SNX31: variants seen among roughly 807,000 people sequenced by gnomAD.
The protein encoded by SNX31 is sorting nexin 31.
SNX31 carries 58 observed loss-of-function variants against 65.4 expected under a neutral mutation model. That is an observed-to-expected ratio of 0.89 (90% CI 0.72 to 1.10). The LOEUF (loss-of-function observed/expected upper bound fraction) is 1.10, where lower values mean the gene tolerates loss of function less well. Among genes scored for constraint, SNX31 ranks in the 50% least tolerant of loss-of-function variants. The probability of loss-of-function intolerance (pLI) is 0.00; values close to 1 mark genes in which losing one functional copy is unlikely to be tolerated. For synonymous variants in SNX31, 181 were observed against 190.1 expected (o/e 0.95, Z 0.39); for missense variants, 523 against 529.7 (o/e 0.99, Z 0.12).
intron 8 of SNX31, among the ~76,000 whole-genome samples, chr8:100,608,146 T>C (rs2469666): frequency 0.32 from 48,992 of 152,128 alleles, 8,514 homozygotes; most frequent in East Asian, 0.52. Context: ...ACTTTTTACA[T>C]TTTATTGTTA....
At chr8:100,663,127 G>A (rs2131319346) in intron 1 of SNX31, 1 of 152,340 alleles carries the variant, frequency 6.6e-6, no homozygotes, top group South Asian at 2.1e-4. Context: ...AAAGGAGCGG[G>A]GGTTGGAAAC....
intron 13 of SNX31, among the ~76,000 whole-genome samples, chr8:100,574,688 A>G (rs1812897196): frequency 6.6e-6 from 1 of 151,272 alleles, no homozygotes; most frequent in African/African-American, 2.4e-5. Context: ...TAATCCCAGC[A>G]CGTTGGGAGG....
At chr8:100,643,261 C>T (rs900147827) in intron 2 of SNX31, among the ~76,000 whole-genome samples, 20 of 152,168 alleles carry the variant, frequency 1.3e-4, no homozygotes, top group Admixed American at 9.2e-4. Flanking sequence ...ACTACCCCTT[C>T]GTACAGCTCT....
intron 3 of SNX31, among the ~76,000 whole-genome samples, chr8:100,631,108 T>C (rs1330311705): frequency 2.0e-5 from 3 of 152,008 alleles, no homozygotes; most frequent in Non-Finnish European, 4.4e-5. Flanking sequence ...CTTTGAATGA[T>C]AGGAGTTCTC....
intron 4 of SNX31, among the ~76,000 whole-genome samples, chr8:100,620,513 C>A (rs1817606385): frequency 6.6e-6 from 1 of 152,084 alleles, no homozygotes; most frequent in Admixed American, 6.5e-5. Context: ...AATCTAAGTT[C>A]TTTAGAAGAG....
intron 3 of SNX31, among the ~76,000 whole-genome samples, chr8:100,632,084 G>A (rs1486087890): frequency 6.6e-6 from 1 of 152,202 alleles, no homozygotes; most frequent in Non-Finnish European, 1.5e-5. Flanking sequence ...AGCTGGTGAG[G>A]AGCTAAAGTG....
chr8:100,575,609 T>G lies in SNX31; in HGVS notation c.1227+1410A>C, dbSNP rs546530236. 6.6e-6 allele frequency among the ~76,000 whole-genome samples: 1 copy of G among 152,300 alleles called. No individual in the cohort carries two copies. The highest frequency in any genetic ancestry group is 2.4e-5 in the African/African-American group (1 of 41,560). ...TTGAACATGCATCAGATTTGTCTGG[T>G]GGGCGTGTTAAAGAGATTGCTGCGG... On this transcript the variant is annotated intron_variant, in intron 13 of 13. Transcript: ENST00000311812. This position sits in a 1 kb window ranked among gnomAD's most constrained non-coding sequence, Gnocchi z 5.1.
rs1308069634 is a variant in SNX31 at position 100,610,355 on chromosome 8, A to G, written c.611+1645T>C. Among the ~76,000 whole-genome samples, 1 of 60,350 alleles carries G rather than the reference A, an allele frequency of 1.7e-5. No homozygotes were observed. The highest frequency in any genetic ancestry group is 3.1e-5 in the Non-Finnish European group (1 of 31,910). The allele number at this position is 60,350 out of a possible 152,430, so 39.6% of individuals were successfully genotyped here. A position where few individuals can be genotyped will look rare whatever the true frequency, so the allele number is the denominator to read the frequency against. The stretch of plus-strand genomic sequence containing the variant: ...CACATGAGTGAAAATCTAAGCCCCA[A>G]AGATTTTTTTTTTTTTTTTGCTTCC... On this transcript the variant is annotated intron_variant, in intron 7 of 13. Transcript: ENST00000311812. This position sits in a 1 kb window ranked among gnomAD's most constrained non-coding sequence, Gnocchi z 4.0.
chr8:100,630,334 G>T lies in SNX31; in HGVS notation c.314C>A (p.Ala105Glu), dbSNP rs201994033. 2 of 1,613,262 alleles carry T rather than the reference G, an allele frequency of 1.2e-6. No homozygotes were observed. Among genetic ancestry groups the T allele is most frequent in the Non-Finnish European group, 1.7e-6 (2 of 1,179,726 alleles). Residue 105 changes from alanine (A) to glutamate (E), a missense_variant, in exon 4 of 14, where the codon GCG becomes GAG. By Grantham distance (107) the Ala-to-Glu change is moderately radical. Coordinates refer to ENST00000311812, the MANE Select transcript of SNX31 (RefSeq NM_152628.4). The surrounding 1 kb of genome is among the most constrained non-coding windows in gnomAD (Gnocchi z 5.3). ...SDVFVEFLKL[A>E]QLNTFDIATK... ...AAAGAAGAGCAAGCTTACCAGCTGC[G>T]CCAGTTTTAAAAACTCAACGAAGAC...
At chr8:100,606,834 G>A (rs1816210190) in intron 8 of SNX31, among the ~76,000 whole-genome samples, 1 of 152,206 alleles carries the variant, frequency 6.6e-6, no homozygotes, top group African/African-American at 2.4e-5. Flanking sequence ...CTGAAAGTGT[G>A]GATGGTACCA....
intron 2 of SNX31, among the ~76,000 whole-genome samples, chr8:100,637,904 C>T (rs1818890063): frequency 1.3e-5 from 2 of 152,190 alleles, no homozygotes; most frequent in Admixed American, 1.3e-4. Flanking sequence ...CCATGTTGGC[C>T]AGGCTGGTCT....
At position 100,635,029 on chromosome 8, in the gene SNX31, T is replaced by C. The variant is rs148704995; in HGVS notation, c.256+868A>G. On this transcript the variant is annotated intron_variant, in intron 3 of 13. Coordinates refer to ENST00000311812, the MANE Select transcript of SNX31 (RefSeq NM_152628.4). Reference sequence around the variant, plus strand: ...ATAGTTAGCCACGATTGTGCCACTGTACTCCAGCCTCGTCAACAGGGAAAG... The same window carrying C: ...ATAGTTAGCCACGATTGTGCCACTGCACTCCAGCCTCGTCAACAGGGAAAG... Among the ~76,000 whole-genome samples, 414 of 152,212 alleles carry C rather than the reference T, an allele frequency of 2.7e-3. 5 individuals carry two copies. The highest frequency in any genetic ancestry group is 0.023 in the Admixed American group (344 of 15,288).
rs149179979 is a variant in SNX31, at chr8:100,613,042, T to G, written c.476A>C (p.Tyr159Ser). The change falls in exon 6 of 14, where the codon TAC becomes TCC. Residue 159 changes from tyrosine (Y) to serine (S), a missense_variant. Coordinates refer to ENST00000311812, the MANE Select transcript of SNX31 (RefSeq NM_152628.4). The surrounding 1 kb of genome is among the most constrained non-coding windows in gnomAD (Gnocchi z 5.2). ...AAACCGAATGAGAAAGAGGCCGAAG[T>G]AGCCCAAGAGCTCTCGACACAGTCC... Reference protein sequence around the residue: ...KIGLCRELLGYFGLFLIRFGK... With the variant: ...KIGLCRELLGSFGLFLIRFGK... 25 of 1,613,956 alleles carry G rather than the reference T, an allele frequency of 1.5e-5. No individual in the cohort carries two copies. Among genetic ancestry groups the G allele is most frequent in the Non-Finnish European group, 1.9e-5 (23 of 1,180,024 alleles).
At chr8:100,633,061 G>A (rs1233125784) in intron 3 of SNX31, among the ~76,000 whole-genome samples, 1 of 151,926 alleles carries the variant, frequency 6.6e-6, no homozygotes, top group African/African-American at 2.4e-5. Flanking sequence ...AGTAGGTGCA[G>A]GCACGTGCCA....
chr8:100,619,137 T>C (rs1290809210), intron 4 of SNX31: 1 of 152,148 alleles, frequency 6.6e-6, no homozygotes, highest in Non-Finnish European at 1.5e-5. Flanking sequence ...CTCATCAGCA[T>C]AAACTCAGGC....
rs1311598799 is a variant in SNX31, at chr8:100,576,604, T to A, written c.1227+415A>T. Among the ~76,000 whole-genome samples, 2 of 152,214 alleles carry A rather than the reference T, an allele frequency of 1.3e-5. No homozygotes were observed. Among genetic ancestry groups the A allele is most frequent in the African/African-American group, 2.4e-5 (1 of 41,444 alleles). On this transcript the variant is annotated intron_variant, in intron 13 of 13. Coordinates refer to ENST00000311812, the MANE Select transcript of SNX31 (RefSeq NM_152628.4). The surrounding 1 kb of genome is among the most constrained non-coding windows in gnomAD (Gnocchi z 4.8). ...CATTGATTGTGATTTTTTCTATTATTATCTGCACAGCAGATCTAAATGCTC... is the reference window on the plus strand; with the variant it reads ...CATTGATTGTGATTTTTTCTATTATAATCTGCACAGCAGATCTAAATGCTC...
Position 100,614,796 on chromosome 8 carries a change from T to C in SNX31, c.433-1711A>G, listed in dbSNP as rs1817028503. Among the ~76,000 whole-genome samples, 1 of 152,154 alleles carries C rather than the reference T, an allele frequency of 6.6e-6. No individual in the cohort carries two copies. Among genetic ancestry groups the C allele is most frequent in the Admixed American group, 6.5e-5 (1 of 15,276 alleles). ...TCAGGAGCTGAGGAAGGAGAATCGC[T>C]TGAACCTGGGAGGCAGAGGTTGCAG... is the stretch of plus-strand genomic sequence containing the variant. On this transcript the variant is annotated intron_variant, in intron 5 of 13. Coordinates refer to ENST00000311812, the MANE Select transcript of SNX31 (RefSeq NM_152628.4). The surrounding 1 kb of genome is among the most constrained non-coding windows in gnomAD (Gnocchi z 5.1).
chr8:100,641,595 T>TATATATATATATATATATACAC (rs1241411821), intron 2 of SNX31, among the ~76,000 whole-genome samples: 2 of 22,102 alleles, frequency 9.0e-5, no homozygotes, highest in African/African-American at 6.1e-4. Flanking sequence ...TATATATATA[T>TATATATATATATATATATACAC]ACACATACAC....
At position 100,613,112 on chromosome 8, in the gene SNX31, A is replaced by G; in HGVS notation, c.433-27T>C. 1 of 1,594,384 alleles carries G rather than the reference A, an allele frequency of 6.3e-7. No individual in the cohort carries two copies. Among genetic ancestry groups the G allele is most frequent in the Non-Finnish European group, 8.6e-7 (1 of 1,162,298 alleles). ...TTTAACCAGAAACAAGCAGAAAGGG[A>G]AAAAGTTAGGTGTGCCCACCATGCA... On this transcript the variant is annotated intron_variant, in intron 5 of 13. Transcript: ENST00000311812. The surrounding 1 kb of genome is among the most constrained non-coding windows in gnomAD (Gnocchi z 5.2).
Sources: gnomAD v4.1 joint callset for allele counts (sites outside exome capture counted in the v4.1 genomes callset) on GRCh38, gnomAD v4.1.1 for gene constraint, Gnocchi (gnomAD v3.1) non-coding constraint, MANE v1.5 for transcripts, NCBI Gene and HGNC (gene_info 2026-07-23, HGNC 2026-07-21) for gene names.